COL4A6: variants seen among roughly 807,000 people sequenced by gnomAD.
The protein encoded by COL4A6 is collagen type IV alpha 6 chain.
In COL4A6, 59 loss-of-function variants were observed where a neutral mutation model predicts 126.7. The ratio of observed to expected loss-of-function variants is 0.47; its 90% confidence interval spans 0.38 to 0.58. COL4A6 has a LOEUF of 0.58. Among genes scored for constraint, COL4A6 ranks in the 20% least tolerant of loss-of-function variants. The pLI, the probability that COL4A6 is intolerant of heterozygous loss-of-function variation, is 0.00. For missense variants in COL4A6, 1,285 were observed against 1,337.3 expected, an observed-to-expected ratio of 0.96 and a Z score of 0.61; for synonymous variants, 547 against 496.6, an observed-to-expected ratio of 1.10 and a Z score of -1.35.
chrX:108,299,367 G>C (rs1185983902), intron 3 of COL4A6, among the ~76,000 whole-genome samples: 1 of 111,536 alleles, frequency 9.0e-6, no homozygotes, highest in Non-Finnish European at 1.9e-5. Context: ...TGTCTGGGGA[G>C]CCTGTTTAGA....
chrX:108,161,868 C>T (rs1172818674), intron 41 of COL4A6, 133 bp from the exon 42 acceptor site: 4 of 449,731 alleles, frequency 8.9e-6, no homozygotes, highest in Non-Finnish European at 1.6e-5. Context: ...ACTTGGTGTG[C>T]ACACTGCACA....
chrX:108,371,574 T>TA (rs35855359), intron 2 of COL4A6, among the ~76,000 whole-genome samples: 620 of 51,622 alleles, frequency 0.012, 4 homozygotes, highest in East Asian at 0.032. Flanking sequence ...TCTGTCTCTA[T>TA]AAAAAAAAAA....
intron 3 of COL4A6, among the ~76,000 whole-genome samples, chrX:108,285,997 ATGTT>A (rs965899789): frequency 1.8e-5 from 2 of 111,832 alleles, no homozygotes; most frequent in African/African-American, 6.5e-5. Context: ...GCTCCTGTGA[ATGTT>A]TGTTTCAGCT....
intron 21 of COL4A6, 130 bp downstream of exon 21, chrX:108,188,387 A>T: frequency 1.6e-6 from 1 of 614,047 alleles, no homozygotes; most frequent in Non-Finnish European, 2.3e-6. Context: ...TTCATGTTGT[A>T]GATCAAAACC....
At chrX:108,314,400 C>A in intron 2 of COL4A6, among the ~76,000 whole-genome samples, 1 of 111,767 alleles carries the variant, frequency 8.9e-6, no homozygotes, top group Admixed American at 9.5e-5. Context: ...CCTCTCAAGG[C>A]CAAATTCAAG....
chrX:108,259,875 G>T, intron 3 of COL4A6, among the ~76,000 whole-genome samples: 1 of 110,977 alleles, frequency 9.0e-6, no homozygotes, highest in Non-Finnish European at 1.9e-5. Flanking sequence ...ATGAAGAGGT[G>T]AGAAATGACA....
At chrX:108,182,553 C>T (rs985370704) in intron 23 of COL4A6, among the ~76,000 whole-genome samples, 2 of 112,442 alleles carry the variant, frequency 1.8e-5, no homozygotes, top group African/African-American at 6.5e-5. Context: ...TATTTCCCTA[C>T]TATGGAAATA....
At chrX:108,374,680 A>G (rs1002700029) in intron 2 of COL4A6, among the ~76,000 whole-genome samples, 5 of 112,282 alleles carry the variant, frequency 4.5e-5, no homozygotes, top group South Asian at 7.4e-4. Flanking sequence ...ATCTGGCCAA[A>G]GAAAAAGAGT....
chrX:108,374,361 ACTAAGGCAGG>A (rs2040392275), intron 2 of COL4A6, among the ~76,000 whole-genome samples: 1 of 112,178 alleles, frequency 8.9e-6, no homozygotes, highest in African/African-American at 3.2e-5. Flanking sequence ...CAATGGGGAA[ACTAAGGCAGG>A]CTAAGAGACA....
intron 2 of COL4A6, among the ~76,000 whole-genome samples, chrX:108,367,219 C>T (rs1432378231): frequency 8.9e-6 from 1 of 112,095 alleles, no homozygotes; most frequent in East Asian, 2.8e-4. Flanking sequence ...AGTGCCTTAA[C>T]TTCTCTGAAC....
At chrX:108,416,649 G>T (rs777344785) in intron 2 of COL4A6, among the ~76,000 whole-genome samples, 2 of 111,988 alleles carry the variant, frequency 1.8e-5, no homozygotes, top group East Asian at 5.6e-4. Flanking sequence ...GATTTAGATA[G>T]AAATTACACA....
intron 2 of COL4A6, among the ~76,000 whole-genome samples, chrX:108,376,003 C>T (rs1409970692): frequency 8.9e-6 from 1 of 111,843 alleles, no homozygotes; most frequent in Non-Finnish European, 1.9e-5. Flanking sequence ...ATTAACTACT[C>T]TCCAGTTTCA....
At chrX:108,263,190 T>C (rs1313638024) in intron 3 of COL4A6, among the ~76,000 whole-genome samples, 1 of 111,092 alleles carries the variant, frequency 9.0e-6, no homozygotes, top group Non-Finnish European at 1.9e-5. Context: ...CAAAGAACAA[T>C]AAAATCTTTC....
At chrX:108,416,154 G>A (rs1020370857) in intron 2 of COL4A6, among the ~76,000 whole-genome samples, 1 of 111,785 alleles carries the variant, frequency 8.9e-6, no homozygotes, top group Non-Finnish European at 1.9e-5. Context: ...CAGGAGATTT[G>A]GGCTTAGTCA....
rs921285221 is a variant in COL4A6 at position 108,254,827 on chromosome X, G to A, written c.145-33453C>T. Among the ~76,000 whole-genome samples, 4 of 110,264 alleles carry A rather than the reference G, an allele frequency of 3.6e-5. No homozygotes were observed. In the Admixed American group the frequency reaches 3.9e-4, roughly 11 times the overall value. On this transcript the variant is annotated intron_variant, in intron 3 of 44. Coordinates refer to ENST00000334504, the MANE Select transcript of COL4A6 (RefSeq NM_033641.4). ...GTGGAATGGAATAGAGGTCAGAGGT[G>A]AGTACATGCCAGGAATGTGGTGGCT...
intron 44 of COL4A6, 94 bp downstream of exon 44, chrX:108,159,368 C>A: frequency 9.8e-7 from 1 of 1,017,846 alleles, no homozygotes; most frequent in Non-Finnish European, 1.4e-6. Context: ...TCTTTTCAAA[C>A]TCTATGCTTT....
rs1230810223 is a variant in COL4A6 at position 108,250,590 on chromosome X, G to A, written c.145-29216C>T. 8.2e-5 allele frequency among the ~76,000 whole-genome samples: 9 copies of A among 110,132 alleles called. No individual in the cohort carries two copies. In the East Asian group the frequency reaches 8.7e-4, roughly 11 times the overall value. On this transcript the variant is annotated intron_variant, in intron 3 of 44. Transcript: ENST00000334504. ...TCGGGAGGACAGGGCCCTTTGTCTC[G>A]AAAATCCCTCCCTCCACAATACAAT...
chrX:108,355,172 T>C (rs1439298084), intron 2 of COL4A6, among the ~76,000 whole-genome samples: 1 of 111,336 alleles, frequency 9.0e-6, no homozygotes, highest in Non-Finnish European at 1.9e-5. Context: ...TGACTAACAC[T>C]ATCGGGTACC....
intron 23 of COL4A6, among the ~76,000 whole-genome samples, chrX:108,184,384 G>A (rs2034787934): frequency 8.9e-6 from 1 of 112,177 alleles, no homozygotes; most frequent in African/African-American, 3.2e-5. Flanking sequence ...GTTGAGACTT[G>A]GTTTCCAGAG....
Sources: allele counts gnomAD v4.1 joint callset (sites outside exome capture counted in the v4.1 genomes callset), GRCh38; gene constraint gnomAD v4.1.1; transcripts MANE v1.5; gene names NCBI Gene and HGNC (gene_info 2026-07-23, HGNC 2026-07-21).